The following CNTNAP2 variants were observed in gnomAD, a reference collection of about 807,000 sequenced individuals.
CNTNAP2 encodes contactin associated protein 2, also known as contactin-associated protein-like 2.
Under a neutral mutation model 155.2 loss-of-function variants are expected in CNTNAP2, and 98 were observed. The observed-to-expected ratio is 0.63, with a 90% CI of 0.54 to 0.75. The LOEUF is 0.75. Ranked by LOEUF, CNTNAP2 falls within the 30% of genes least tolerant of loss-of-function variation. CNTNAP2 has a pLI of 0.00. For synonymous variants in CNTNAP2, 651 were observed against 631.2 expected, an observed-to-expected ratio of 1.03 and a Z score of -0.47; for missense variants, 1,727 against 1,688.1, an observed-to-expected ratio of 1.02 and a Z score of -0.40.
At chr7:148,253,951 T>C (rs999360924) in intron 20 of CNTNAP2, among the ~76,000 whole-genome samples, 2 of 152,104 alleles carry the variant, frequency 1.3e-5, no homozygotes, top group African/African-American at 4.8e-5. Flanking sequence ...AGGGCCGACT[T>C]TGCATATACG....
At chr7:147,629,869 A>G (rs1022801365) in intron 12 of CNTNAP2, among the ~76,000 whole-genome samples, 16 of 152,280 alleles carry the variant, frequency 1.1e-4, no homozygotes, top group Non-Finnish European at 1.3e-4. Context: ...CTCATCAAAA[A>G]GTCTGAAAGA....
chr7:146,394,854 G>A (rs1171602688), intron 1 of CNTNAP2, among the ~76,000 whole-genome samples: 3 of 152,110 alleles, frequency 2.0e-5, no homozygotes, highest in South Asian at 2.1e-4. Context: ...CCAGAACAGC[G>A]TACATTGTAC....
At chr7:148,318,951 A>C (rs1386043072) in intron 21 of CNTNAP2, among the ~76,000 whole-genome samples, 2 of 152,246 alleles carry the variant, frequency 1.3e-5, no homozygotes, top group Non-Finnish European at 1.5e-5. Context: ...CAAAGTTATC[A>C]GTAATCAAAA....
chr7:147,120,407 C>A (rs991394343), intron 5 of CNTNAP2, among the ~76,000 whole-genome samples: 11 of 152,162 alleles, frequency 7.2e-5, no homozygotes, highest in African/African-American at 2.6e-4. Flanking sequence ...AAAAGTGGAG[C>A]CAGCATCAGA....
At position 146,929,458 on chromosome 7, in the gene CNTNAP2, C is replaced by T. The variant is rs529381234; in HGVS notation, c.402+89554C>T. On this transcript the variant is annotated intron_variant, in intron 3 of 23. Coordinates refer to ENST00000361727, the MANE Select transcript of CNTNAP2 (RefSeq NM_014141.6). Reference sequence around the variant, plus strand: ...ATCTGTACATCACCATCATCAAAGACCAAAAGTAGATAAAACCACAAAGAT... The same window carrying T: ...ATCTGTACATCACCATCATCAAAGATCAAAAGTAGATAAAACCACAAAGAT... 1.4e-4 allele frequency among the ~76,000 whole-genome samples: 22 copies of T among 152,132 alleles called. No homozygotes were observed. In the East Asian group the frequency reaches 3.9e-3, roughly 27 times the overall value.
intron 13 of CNTNAP2, among the ~76,000 whole-genome samples, chr7:147,720,252 C>T (rs534220380): frequency 8.0e-4 from 121 of 152,186 alleles, no homozygotes; most frequent in Middle Eastern, 3.4e-3. Context: ...ACTGTATAAG[C>T]ATGCCCACTA....
chr7:147,655,795 G>A (rs567177719), intron 13 of CNTNAP2, among the ~76,000 whole-genome samples: 23 of 152,306 alleles, frequency 1.5e-4, no homozygotes, highest in African/African-American at 5.3e-4. Context: ...GTAACCTGCT[G>A]CATTAGCCCC....
chr7:146,780,193 G>T (rs1215719065), intron 2 of CNTNAP2, among the ~76,000 whole-genome samples: 2 of 149,288 alleles, frequency 1.3e-5, no homozygotes, highest in Admixed American at 6.7e-5. Context: ...TTTCCTGACT[G>T]TTTTTTTTTT....
intron 15 of CNTNAP2, among the ~76,000 whole-genome samples, chr7:148,034,147 A>G (rs2527068): frequency 0.36 from 54,044 of 152,130 alleles, 10,312 homozygotes; most frequent in East Asian, 0.75. Context: ...AGACATCTAT[A>G]TCTATCAGGT....
At chr7:146,440,116 T>C (rs904368078) in intron 1 of CNTNAP2, among the ~76,000 whole-genome samples, 5 of 151,602 alleles carry the variant, frequency 3.3e-5, no homozygotes, top group Admixed American at 6.6e-5. Context: ...AGAGAGCGAC[T>C]CCATCTCAAA....
chr7:146,476,976 AT>A (rs1181628349), intron 1 of CNTNAP2, among the ~76,000 whole-genome samples: 2 of 152,112 alleles, frequency 1.3e-5, no homozygotes, highest in East Asian at 1.9e-4. Flanking sequence ...AAGTTTTCTT[AT>A]TTTTTTTAAA....
chr7:147,546,907 T>C (rs1799745538), intron 11 of CNTNAP2, among the ~76,000 whole-genome samples: 3 of 152,160 alleles, frequency 2.0e-5, no homozygotes, highest in South Asian at 4.1e-4. Context: ...GCCACATCAA[T>C]TTCTGAGACT....
chr7:146,935,516 A>G (rs1480642231), intron 3 of CNTNAP2, among the ~76,000 whole-genome samples: 4 of 152,194 alleles, frequency 2.6e-5, no homozygotes, highest in Non-Finnish European at 5.9e-5. Context: ...ACTCTTCTAG[A>G]AGGGCATCAT....
At chr7:148,278,834 T>C (rs75783573) in intron 21 of CNTNAP2, among the ~76,000 whole-genome samples, 23,994 of 152,192 alleles carry the variant, frequency 0.16, 2,557 homozygotes, top group African/African-American at 0.3. Context: ...GCCAGGAAAG[T>C]CGTCTTTGAG....
At chr7:148,281,712 T>A (rs887161730) in intron 21 of CNTNAP2, among the ~76,000 whole-genome samples, 3 of 152,120 alleles carry the variant, frequency 2.0e-5, no homozygotes, top group African/African-American at 7.2e-5. Context: ...TATTGCCTTA[T>A]AGAATCATAG....
intron 1 of CNTNAP2, among the ~76,000 whole-genome samples, chr7:146,395,825 A>AT (rs1563068417): frequency 1.9e-3 from 261 of 134,302 alleles, no homozygotes; most frequent in African/African-American, 6.4e-3. Flanking sequence ...AGATAGATAG[A>AT]GGAGAGAGAG....
intron 15 of CNTNAP2, among the ~76,000 whole-genome samples, chr7:148,102,890 GGAGGT>G (rs1400827176): frequency 6.6e-6 from 1 of 152,158 alleles, no homozygotes; most frequent in Admixed American, 6.5e-5. Context: ...CACAGCCTCA[GGAGGT>G]CCTGATGACA....
intron 1 of CNTNAP2, among the ~76,000 whole-genome samples, chr7:146,656,170 C>T (rs1799993130): frequency 6.6e-6 from 1 of 152,212 alleles, no homozygotes; most frequent in Non-Finnish European, 1.5e-5. Context: ...CATGTTTCAA[C>T]GTTTATGGTC....
chr7:147,417,938 A>G lies in CNTNAP2; in HGVS notation c.1670+22158A>G, dbSNP rs1584937256. ...CAATTATTATAAAACATTTGCTATC[A>G]AACTGGTTTGATGAATAAGGGAAGT... On this transcript the variant is annotated intron_variant, in intron 10 of 23. Transcript: ENST00000361727. Among the ~76,000 whole-genome samples the G allele has an allele frequency of 5.3e-5, 8 of 152,344 alleles. No homozygotes were observed. The South Asian group carries it at 1.7e-3, about 32-fold the overall frequency.
Sources: gnomAD v4.1 joint callset for allele counts (sites outside exome capture counted in the v4.1 genomes callset) on GRCh38, gnomAD v4.1.1 for gene constraint, MANE v1.5 for transcripts, NCBI Gene and HGNC (gene_info 2026-07-23, HGNC 2026-07-21) for gene names.